LRRC7: variants seen among roughly 807,000 people sequenced by gnomAD.
LRRC7 encodes the protein leucine rich repeat containing 7, also known as leucine-rich repeat-containing protein 7.
A neutral mutation model predicts 175.7 loss-of-function variants in LRRC7; 23 were observed. The ratio of observed to expected loss-of-function variants is 0.13; its 90% CI spans 0.09 to 0.19. The LOEUF is 0.19. Among genes scored for constraint, LRRC7 ranks in the 10% least tolerant of loss-of-function variants. LRRC7 has a pLI of 1.00. For missense variants in LRRC7, 1,354 were observed against 1,904.7 expected (o/e 0.71, Z 5.38); for synonymous variants, 685 against 680.9 (o/e 1.01, Z -0.09).
rs1247183278 is a variant in LRRC7, at chr1:70,071,903, G to A, written c.4231-4174G>A. ...ATCATTTTTACAGTGATAAAGCCATGTCTTTTATATTATACAAAACCTCCC... is the reference window on the plus strand; with the variant it reads ...ATCATTTTTACAGTGATAAAGCCATATCTTTTATATTATACAAAACCTCCC... On this transcript the variant is annotated intron_variant, in intron 23 of 26. Transcript: ENST00000651989. 2.6e-5 allele frequency among the ~76,000 whole-genome samples: 4 copies of A among 152,120 alleles called. No individual in the cohort carries two copies. The East Asian group carries it at 5.8e-4, about 22-fold the overall frequency.
At chr1:69,843,666 A>G (rs1180967942) in intron 7 of LRRC7, among the ~76,000 whole-genome samples, 2 of 152,156 alleles carry the variant, frequency 1.3e-5, no homozygotes, top group African/African-American at 2.4e-5. Context: ...TGTACACAAC[A>G]TAAATATACT....
At chr1:69,949,110 C>T (rs1212475768) in intron 8 of LRRC7, among the ~76,000 whole-genome samples, 2 of 151,028 alleles carry the variant, frequency 1.3e-5, no homozygotes, top group African/African-American at 4.9e-5. Flanking sequence ...TTATATTGCT[C>T]TTTAGTTACA....
intron 7 of LRRC7, chr1:69,919,682 G>A: frequency 1.0e-6 from 1 of 965,426 alleles, no homozygotes; most frequent in East Asian, 2.4e-5. Context: ...ACAATTCAGC[G>A]ACTGCAGCTC....
intron 1 of LRRC7, among the ~76,000 whole-genome samples, chr1:69,615,611 C>T (rs1036378234): frequency 1.3e-5 from 2 of 151,958 alleles, no homozygotes; most frequent in African/African-American, 4.8e-5. Context: ...TTAAGCTAAA[C>T]ACAGTCTTGA....
chr1:69,986,308 A>G lies in LRRC7; in HGVS notation c.853A>G (p.Met285Val), dbSNP rs746291208. The G allele has an allele frequency of 1.5e-5, 25 of 1,613,456 alleles. No individual in the cohort carries two copies. Among genetic ancestry groups the G allele is most frequent in the Admixed American group, 5.0e-5 (3 of 59,996 alleles). ...AAAAAACAGAATAGAAACAGTTGAC[A>G]TGGACATTTCTGGATGTGAAGCCCT... ...MSKNRIETVD[M>V]DISGCEALED... Residue 285 changes from methionine (M) to valine (V), a missense_variant, in exon 10 of 27, where the codon ATG (methionine) becomes GTG (valine). Physicochemically the swap from Met to Val is conservative, Grantham distance 21 (BLOSUM62 1). Around this residue, in one of 4 missense-constraint regions of LRRC7, gnomAD observed 201 missense variants for 481.4 expected, o/e 0.42. Coordinates refer to ENST00000651989, the MANE Select transcript of LRRC7 (RefSeq NM_001370785.2).
At chr1:70,053,963 G>A (rs1410115910) in intron 23 of LRRC7, among the ~76,000 whole-genome samples, 1 of 152,038 alleles carries the variant, frequency 6.6e-6, no homozygotes, top group Non-Finnish European at 1.5e-5. Context: ...CAAAAATTAA[G>A]AAATCTGAAA....
chr1:69,837,336 A>G (rs1256855006), intron 6 of LRRC7, among the ~76,000 whole-genome samples: 3 of 151,950 alleles, frequency 2.0e-5, no homozygotes, highest in African/African-American at 7.2e-5. Context: ...GAAAATAATA[A>G]TAGCCAATTC....
intron 1 of LRRC7, among the ~76,000 whole-genome samples, chr1:69,622,556 G>A (rs1485609472): frequency 5.3e-5 from 8 of 152,300 alleles, no homozygotes; most frequent in African/African-American, 1.9e-4. Flanking sequence ...ATACAAAGAT[G>A]TAGAACTCTT....
intron 23 of LRRC7, among the ~76,000 whole-genome samples, chr1:70,071,398 T>A (rs1459280621): frequency 6.6e-6 from 1 of 152,094 alleles, no homozygotes; most frequent in Non-Finnish European, 1.5e-5. Flanking sequence ...TTGTACTTAA[T>A]GGAAGAAATA....
chr1:69,775,454 C>T (rs1221645768), intron 3 of LRRC7, among the ~76,000 whole-genome samples: 1 of 152,152 alleles, frequency 6.6e-6, no homozygotes, highest in Non-Finnish European at 1.5e-5. Context: ...TAGTGGAATG[C>T]CCTCTCTGAT....
chr1:69,811,930 T>TA (rs1317803072), intron 4 of LRRC7, among the ~76,000 whole-genome samples: 8 of 151,852 alleles, frequency 5.3e-5, no homozygotes, highest in Middle Eastern at 3.2e-3. Flanking sequence ...AAAAAATTTT[T>TA]AAAAAAAGAG....
intron 8 of LRRC7, among the ~76,000 whole-genome samples, chr1:69,960,507 T>G (rs1315714675): frequency 6.6e-6 from 1 of 152,150 alleles, no homozygotes; most frequent in African/African-American, 2.4e-5. Context: ...ATTTTCGTTA[T>G]TTCTTCTGCT....
intron 8 of LRRC7, among the ~76,000 whole-genome samples, chr1:69,932,727 G>A (rs749595752): frequency 6.6e-6 from 1 of 152,164 alleles, no homozygotes; most frequent in Non-Finnish European, 1.5e-5. Flanking sequence ...AGTCTCTCAT[G>A]TTCCTCTCTC....
intron 2 of LRRC7, among the ~76,000 whole-genome samples, chr1:69,687,322 A>G (rs1216033129): frequency 6.6e-6 from 1 of 152,090 alleles, no homozygotes; most frequent in Non-Finnish European, 1.5e-5. Flanking sequence ...CAGTCTGGCC[A>G]AGATGGCGAA....
chr1:70,088,922 G>A (rs1164563535), intron 24 of LRRC7, among the ~76,000 whole-genome samples: 1 of 152,098 alleles, frequency 6.6e-6, no homozygotes. Context: ...TAAAACAAAA[G>A]TCATGTTTAA....
chr1:69,868,060 A>G (rs1490681284), intron 7 of LRRC7, among the ~76,000 whole-genome samples: 3 of 152,186 alleles, frequency 2.0e-5, no homozygotes, highest in Non-Finnish European at 4.4e-5. Context: ...TACGCCCAGA[A>G]CAATCAAAAA....
intron 4 of LRRC7, among the ~76,000 whole-genome samples, chr1:69,812,856 G>GA (rs1396759251): frequency 6.6e-6 from 1 of 152,092 alleles, no homozygotes; most frequent in East Asian, 1.9e-4. Flanking sequence ...TTGTTAAGAA[G>GA]TATGTTATGT....
At chr1:69,727,350 T>G (rs918578208) in intron 2 of LRRC7, among the ~76,000 whole-genome samples, 13 of 152,080 alleles carry the variant, frequency 8.5e-5, no homozygotes, top group Non-Finnish European at 2.9e-5. Context: ...CTGTAAGGGG[T>G]TTTTATAATT....
At position 70,125,854 on chromosome 1, in the gene LRRC7, T is replaced by C. The variant is rs1476542277; in HGVS notation, c.*3967T>C. Among the ~76,000 whole-genome samples, 1 of 151,020 alleles carries C rather than the reference T, an allele frequency of 6.6e-6. No homozygotes were observed. The highest frequency in any genetic ancestry group is 2.4e-5 in the African/African-American group (1 of 41,192). ...GAGAAAACATGGAAGAAATTAGATT[T>C]ATATATTCAAATATTAAGTGAAAAG... On this transcript the variant is annotated 3_prime_UTR_variant, in exon 27 of 27. Transcript: ENST00000651989.
Sources: allele counts gnomAD v4.1 joint callset (sites outside exome capture counted in the v4.1 genomes callset), GRCh38; gene constraint gnomAD v4.1.1; regional missense constraint gnomAD v4.1.1; transcripts MANE v1.5; gene names NCBI Gene and HGNC (gene_info 2026-07-23, HGNC 2026-07-21).